Variants in HORMAD2 observed in about 807,000 individuals in gnomAD.
HORMAD2 encodes HORMA domain containing 2.
A neutral mutation model predicts 38.8 loss-of-function variants in HORMAD2; 45 were observed. The ratio of observed to expected loss-of-function variants is 1.16; its 90% CI spans 0.91 to 1.49. The LOEUF is 1.49. Among genes scored for constraint, HORMAD2 ranks in the 40% most tolerant of loss-of-function variants. The pLI, the probability that HORMAD2 is intolerant of heterozygous loss-of-function variation, is 0.00. For synonymous variants in HORMAD2, 126 were observed against 122.8 expected, an observed-to-expected ratio of 1.03 and a Z score of -0.17; for missense variants, 338 against 367.0, an observed-to-expected ratio of 0.92 and a Z score of 0.65.
intron 1 of HORMAD2, among the ~76,000 whole-genome samples, chr22:30,080,856 C>A (rs1276826594): frequency 2.0e-5 from 3 of 151,962 alleles, no homozygotes; most frequent in African/African-American, 4.8e-5. Flanking sequence ...TGGAGGGGGC[C>A]GTGTGTGGTG....
chr22:30,128,953 G>A (rs1441801494), intron 10 of HORMAD2, among the ~76,000 whole-genome samples: 2 of 152,072 alleles, frequency 1.3e-5, no homozygotes. Context: ...GGTGGCTCAC[G>A]CCTGTAACCC....
chr22:30,207,120 G>A, the HORMAD2 span: 46 of 470,234 alleles, frequency 9.8e-5, no homozygotes, highest in Non-Finnish European at 1.7e-4. Context: ...GTCAGGAGGC[G>A]GGAATGCAGA....
chr22:30,145,015 G>A (rs553349265), intron 10 of HORMAD2, among the ~76,000 whole-genome samples: 4 of 152,298 alleles, frequency 2.6e-5, no homozygotes, highest in African/African-American at 9.6e-5. Context: ...TGGGAGGGTG[G>A]AGGAAATGGT....
chr22:30,088,941 A>G (rs1203232631), intron 1 of HORMAD2, among the ~76,000 whole-genome samples: 2 of 152,088 alleles, frequency 1.3e-5, no homozygotes, highest in African/African-American at 2.4e-5. Context: ...TGTATTAGAT[A>G]TGAAGGTTAT....
At chr22:30,139,177 ATTGGAC>A (rs1923880968) in intron 10 of HORMAD2, among the ~76,000 whole-genome samples, 1 of 150,298 alleles carries the variant, frequency 6.7e-6, no homozygotes, top group African/African-American at 2.5e-5. Flanking sequence ...CACTGTAGAT[ATTGGAC>A]TTGCCAGCCT....
chr22:30,111,864 G>A (rs1601529680), intron 6 of HORMAD2, 48 bp downstream of exon 6: 2 of 1,460,802 alleles, frequency 1.4e-6, no homozygotes, highest in South Asian at 2.6e-5. Context: ...CTATTTCATT[G>A]TCTTTTGGCA....
chr22:30,082,410 A>G (rs1418355531), intron 1 of HORMAD2, among the ~76,000 whole-genome samples: 2 of 152,308 alleles, frequency 1.3e-5, no homozygotes, highest in African/African-American at 4.8e-5. Flanking sequence ...TTAGTAAACT[A>G]AACAGCAGCT....
chr22:30,149,695 CT>C (rs1203814290), intron 10 of HORMAD2, among the ~76,000 whole-genome samples: 1 of 152,128 alleles, frequency 6.6e-6, no homozygotes, highest in African/African-American at 2.4e-5. Flanking sequence ...TCTTGGTTTC[CT>C]CCCTCATTTT....
At chr22:30,111,451 A>G (rs989993964) in intron 5 of HORMAD2, among the ~76,000 whole-genome samples, 1 of 151,930 alleles carries the variant, frequency 6.6e-6, no homozygotes, top group African/African-American at 2.4e-5. Context: ...ATGCCACAAC[A>G]CTCCAACCTG....
At chr22:30,110,180 A>C (rs1356703570) in intron 5 of HORMAD2, among the ~76,000 whole-genome samples, 2 of 152,146 alleles carry the variant, frequency 1.3e-5, no homozygotes, top group Non-Finnish European at 1.5e-5. Context: ...ATACAGTTGA[A>C]CTCATTACAC....
intron 1 of HORMAD2, among the ~76,000 whole-genome samples, chr22:30,090,292 G>A (rs1359500305): frequency 6.6e-6 from 1 of 152,166 alleles, no homozygotes; most frequent in Admixed American, 6.5e-5. Flanking sequence ...AAGCCTGGGA[G>A]CGGGAGGTTG....
chr22:30,101,853 G>A (rs1920948349), intron 3 of HORMAD2, among the ~76,000 whole-genome samples: 1 of 152,194 alleles, frequency 6.6e-6, no homozygotes. Flanking sequence ...GACTGCTTGA[G>A]CCTAGGAATC....
At chr22:30,111,511 G>A (rs911147005) in intron 5 of HORMAD2, among the ~76,000 whole-genome samples, 2 of 151,996 alleles carry the variant, frequency 1.3e-5, no homozygotes, top group South Asian at 4.1e-4. Flanking sequence ...GGAAAATACA[G>A]TATCTGTAGA....
the HORMAD2 span, among the ~76,000 whole-genome samples, chr22:30,189,583 G>A: frequency 1.3e-5 from 2 of 152,060 alleles, no homozygotes; most frequent in Non-Finnish European, 2.9e-5. Context: ...CACAGTTTAT[G>A]GAGGACCTGA....
At chr22:30,130,222 A>T (rs919127399) in intron 10 of HORMAD2, among the ~76,000 whole-genome samples, 3 of 152,140 alleles carry the variant, frequency 2.0e-5, no homozygotes, top group African/African-American at 7.2e-5. Flanking sequence ...GTAATTCCTT[A>T]TTTCAGTCAC....
At chr22:30,122,719 G>A (rs1922547082) in intron 10 of HORMAD2, among the ~76,000 whole-genome samples, 1 of 152,120 alleles carries the variant, frequency 6.6e-6, no homozygotes, top group Non-Finnish European at 1.5e-5. Context: ...GGAAAGTCAG[G>A]GGGTTGGTGG....
intron 10 of HORMAD2, among the ~76,000 whole-genome samples, chr22:30,172,410 C>G (rs1280335289): frequency 6.6e-6 from 1 of 152,204 alleles, no homozygotes; most frequent in African/African-American, 2.4e-5. Context: ...CTTAATGTCT[C>G]TCCTTTACAA....
Position 30,098,976 on chromosome 22 carries a change from G to C in HORMAD2, c.176G>C (p.Gly59Ala). The change falls in exon 3 of 11, where the codon GGA becomes GCA. Residue 59 changes from glycine to alanine, a missense_variant. Coordinates refer to ENST00000336726, the MANE Select transcript of HORMAD2 (RefSeq NM_152510.4). ...GGCCTGTTTCCAGAGAGCTCTTATG[G>C]AGAACGCCATTTGGATGGTAAAGTT... The part of the protein sequence containing the change: ...LRGLFPESSY[G>A]ERHLDDLSLK... The C allele has an allele frequency of 1.2e-6, 2 of 1,609,680 alleles. No individual in the cohort carries two copies. Among genetic ancestry groups the C allele is most frequent in the Non-Finnish European group, 1.7e-6 (2 of 1,178,058 alleles).
the HORMAD2 span, among the ~76,000 whole-genome samples, chr22:30,199,403 A>G: frequency 6.6e-6 from 1 of 152,218 alleles, no homozygotes; most frequent in South Asian, 2.1e-4. Flanking sequence ...GGTAGAAATG[A>G]CGTTCTGTGC....
Sources: allele counts gnomAD v4.1 joint callset (sites outside exome capture counted in the v4.1 genomes callset), GRCh38; gene constraint gnomAD v4.1.1; transcripts MANE v1.5; gene names NCBI Gene and HGNC (gene_info 2026-07-23, HGNC 2026-07-21).